IL36RN: variants seen among roughly 807,000 people sequenced by gnomAD.
IL36RN encodes the protein interleukin-36 receptor antagonist protein.
A neutral mutation model predicts 13.0 loss-of-function variants in IL36RN; 11 were observed. That is an observed-to-expected ratio of 0.85 (90% confidence interval 0.53 to 1.40). The LOEUF is 1.40. IL36RN is among the 40% of genes most tolerant of loss of function. The pLI, the probability that IL36RN is intolerant of heterozygous loss-of-function variation, is 0.00. For synonymous variants in IL36RN, 94 were observed against 84.1 expected, an observed-to-expected ratio of 1.12 and a Z score of -0.64; for missense variants, 195 against 195.3, an observed-to-expected ratio of 1.00 and a Z score of 0.01.
chr2:113,062,757 ACT>A lies in IL36RN; in HGVS notation c.*87_*88del. ...TGGAGGAGACCCATGGCGGACAATC[ACT>A]CTCTCTGCTCTCAGGACCCCCACGT... On this transcript the variant is annotated 3_prime_UTR_variant, in exon 5 of 5. Transcript: ENST00000393200. 8.0e-7 allele frequency: 1 copy of A among 1,248,926 alleles called. No homozygotes were observed. The highest frequency in any genetic ancestry group is 1.1e-6 in the Non-Finnish European group (1 of 880,016). The allele number at this position is 1,248,926 out of a possible 1,614,324, so 77.4% of individuals were successfully genotyped here. A position where few individuals can be genotyped will look rare whatever the true frequency, so the allele number is the denominator to read the frequency against.
rs886054772 is a variant in IL36RN, at chr2:113,064,619, C to G, written c.*1942C>G. On this transcript the variant is annotated 3_prime_UTR_variant, in exon 5 of 5. Transcript: ENST00000393200. Reference sequence around the variant, plus strand: ...GGTAAAAAATGAAGTCTCCTGCCCACAGCCACATTAGTGAACCTAGAAGCA... The same window carrying G: ...GGTAAAAAATGAAGTCTCCTGCCCAGAGCCACATTAGTGAACCTAGAAGCA... 1.3e-5 allele frequency: 2 copies of G among 152,200 alleles called. No individual in the cohort carries two copies. Among genetic ancestry groups the G allele is most frequent in the African/African-American group, 2.4e-5 (1 of 41,430 alleles). 9.4% of individuals were successfully genotyped at this position (152,200 alleles called of 1,614,324 possible).
rs1257621461 is a variant in IL36RN at position 113,062,626 on chromosome 2, T to C, written c.417T>C (p.Asn139=). 6.2e-7 allele frequency: 1 copy of C among 1,613,284 alleles called. No individual in the cohort carries two copies. Among genetic ancestry groups the C allele is most frequent in the Non-Finnish European group, 8.5e-7 (1 of 1,180,022 alleles). The change falls in exon 5 of 5, where the codon AAT becomes AAC. Residue 139 remains asparagine (N), a synonymous_variant. Coordinates refer to ENST00000393200, the MANE Select transcript of IL36RN (RefSeq NM_012275.3). ...QPVRLTQLPE[N]GGWNAPITDF... is the part of the protein sequence containing the mutation. ...TCAGACTCACCCAGCTTCCCGAGAATGGTGGCTGGAATGCCCCCATCACAG... is the reference window on the plus strand; with the variant it reads ...TCAGACTCACCCAGCTTCCCGAGAACGGTGGCTGGAATGCCCCCATCACAG...
In IL36RN at chr2:113,062,606, CTCACCCAGCTTCCCGA is replaced by C. The variant is rs779718440; in HGVS notation, c.398_413del (p.Leu133ArgfsTer34). The C allele has an allele frequency of 1.2e-6, 2 of 1,613,694 alleles. No homozygotes were observed. Among genetic ancestry groups the C allele is most frequent in the South Asian group, 2.2e-5 (2 of 91,078 alleles). ...GCCTGAAGCCGATCAGCCTGTCAGA[CTCACCCAGCTTCCCGA>C]GAATGGTGGCTGGAATGCCCCCATC... On this transcript the variant is annotated frameshift_variant, in exon 5 of 5. Coordinates refer to ENST00000393200, the MANE Select transcript of IL36RN (RefSeq NM_012275.3). LOFTEE classifies it high-confidence loss of function.
rs1370780433 is a variant in IL36RN, at chr2:113,062,936, T to A, written c.*259T>A. ...CATGTGGGGTAAACTGGGAATAACA[T>A]GAAAAGATTTCTGTGGAGGTGGGGT... On this transcript the variant is annotated 3_prime_UTR_variant, in exon 5 of 5. Coordinates refer to ENST00000393200, the MANE Select transcript of IL36RN (RefSeq NM_012275.3). The A allele has an allele frequency of 2.0e-6, 1 of 508,892 alleles. No individual in the cohort carries two copies. Among genetic ancestry groups the A allele is most frequent in the South Asian group, 2.0e-5 (1 of 49,302 alleles). 31.5% of individuals were successfully genotyped at this position (508,892 alleles called of 1,614,324 possible). A position where few individuals can be genotyped will look rare whatever the true frequency, so the allele number is the denominator to read the frequency against.
At position 113,063,659 on chromosome 2, in the gene IL36RN, C is replaced by T. The variant is rs1430919589; in HGVS notation, c.*982C>T. 1 of 152,138 alleles carries T rather than the reference C, an allele frequency of 6.6e-6. No homozygotes were observed. The highest frequency in any genetic ancestry group is 2.4e-5 in the African/African-American group (1 of 41,434). 9.4% of individuals were successfully genotyped at this position (152,138 alleles called of 1,614,324 possible). Reference sequence around the variant, plus strand: ...TCTGATTGTCCTCAGCCTCCACTTCCCCAGAGTAAATTCAAATTGAATCGA... The same window carrying T: ...TCTGATTGTCCTCAGCCTCCACTTCTCCAGAGTAAATTCAAATTGAATCGA... On this transcript the variant is annotated 3_prime_UTR_variant, in exon 5 of 5. Coordinates refer to ENST00000393200, the MANE Select transcript of IL36RN (RefSeq NM_012275.3).
Position 113,062,206 on chromosome 2 carries a change from GTGCC to G in IL36RN, c.201_204del (p.Leu68HisfsTer10). On this transcript the variant is annotated frameshift_variant, in exon 4 of 5. Coordinates refer to ENST00000393200, the MANE Select transcript of IL36RN (RefSeq NM_012275.3). LOFTEE classifies it low-confidence loss of function (END_TRUNC). ...TCCTGGGTGTCCAGGGTGGAAGCCA[GTGCC>G]TGTCATGTGGGGTGGGGCAGGAGCC... The G allele has an allele frequency of 6.2e-7, 1 of 1,614,120 alleles. No individual in the cohort carries two copies. The highest frequency in any genetic ancestry group is 1.1e-5 in the South Asian group (1 of 91,088).
Position 113,060,336 on chromosome 2 carries a change from G to C in IL36RN, c.30-516G>C, listed in dbSNP as rs377395743. ...AACAACTTTGAAAAGTTAAATAAAA[G>C]AAATTTAAATTTAAAGAAACTCCTC... On this transcript the variant is annotated intron_variant, in intron 2 of 4. Coordinates refer to ENST00000393200, the MANE Select transcript of IL36RN (RefSeq NM_012275.3). Among the ~76,000 whole-genome samples the C allele has an allele frequency of 4.6e-5, 7 of 152,072 alleles. No homozygotes were observed. In the East Asian group the frequency reaches 7.7e-4, roughly 17 times the overall value.
intron 3 of IL36RN, among the ~76,000 whole-genome samples, chr2:113,061,698 T>C (rs547285669): frequency 1.3e-5 from 2 of 152,242 alleles, no homozygotes; most frequent in African/African-American, 4.8e-5. Context: ...GTATCTGATG[T>C]ATGTGGGTGG....
rs974624111 is a variant in IL36RN, at chr2:113,063,882, G to T, written c.*1205G>T. 1 of 152,192 alleles carries T rather than the reference G, an allele frequency of 6.6e-6. No individual in the cohort carries two copies. The highest frequency in any genetic ancestry group is 1.5e-5 in the Non-Finnish European group (1 of 68,036). The allele number at this position is 152,192 out of a possible 1,614,324, so 9.4% of individuals were successfully genotyped here. A position where few individuals can be genotyped will look rare whatever the true frequency, so the allele number is the denominator to read the frequency against. The stretch of plus-strand genomic sequence containing the variant: ...GGCATTGGATCCAGTCTCTAAGAAG[G>T]CTGCTGTACTGGTTGAATTGTGTCC... On this transcript the variant is annotated 3_prime_UTR_variant, in exon 5 of 5. Transcript: ENST00000393200.
chr2:113,062,294 C>G, intron 4 of IL36RN, 43 bp downstream of exon 4: 1 of 1,612,348 alleles, frequency 6.2e-7, no homozygotes, highest in African/African-American at 1.3e-5. Context: ...GCCACAGATG[C>G]TGAGCCTACT....
chr2:113,060,909 A>C lies in IL36RN; in HGVS notation c.87A>C (p.Gly29=), dbSNP rs1685628253. ...LYLHNNQLLA[G]GLHAGKVIKG... is the part of the protein sequence containing the mutation. Reference sequence around the variant, plus strand: ...TGCATAATAACCAGCTTCTAGCTGGAGGGCTGCATGCAGGGAAGGTCATTA... The same window carrying C: ...TGCATAATAACCAGCTTCTAGCTGGCGGGCTGCATGCAGGGAAGGTCATTA... The change falls in exon 3 of 5, where the codon GGA becomes GGC. Residue 29 remains glycine, a synonymous_variant. Coordinates refer to ENST00000393200, the MANE Select transcript of IL36RN (RefSeq NM_012275.3). The C allele has an allele frequency of 6.2e-7, 1 of 1,613,878 alleles. No individual in the cohort carries two copies. The highest frequency in any genetic ancestry group is 1.3e-5 in the African/African-American group (1 of 74,924).
Position 113,062,937 on chromosome 2 carries a change from G to T in IL36RN, c.*260G>T. On this transcript the variant is annotated 3_prime_UTR_variant, in exon 5 of 5. Transcript: ENST00000393200. ...ATGTGGGGTAAACTGGGAATAACATGAAAAGATTTCTGTGGAGGTGGGGTG... is the reference window on the plus strand; with the variant it reads ...ATGTGGGGTAAACTGGGAATAACATTAAAAGATTTCTGTGGAGGTGGGGTG... 2.8e-5 allele frequency: 14 copies of T among 502,206 alleles called. No homozygotes were observed. The highest frequency in any genetic ancestry group is 7.6e-5 in the East Asian group (2 of 26,352). 31.1% of individuals were successfully genotyped at this position (502,206 alleles called of 1,614,324 possible).
intron 2 of IL36RN, among the ~76,000 whole-genome samples, chr2:113,060,598 G>A (rs941350767): frequency 6.6e-6 from 1 of 152,190 alleles, no homozygotes; most frequent in Non-Finnish European, 1.5e-5. Context: ...CTTCCAGCAG[G>A]AGATGGGTTG....
rs754661425 is a variant in IL36RN at position 113,062,448 on chromosome 2, G to C, written c.244-5G>C. On this transcript the variant is annotated splice_region_variant and splice_polypyrimidine_tract_variant and intron_variant, in intron 4 of 4. Transcript: ENST00000393200. ...CTCACCTGACCTCCCCTCCTCTGCC[G>C]GCAGCCAGTGAACATCATGGAGCTC... 3 of 1,613,780 alleles carry C rather than the reference G, an allele frequency of 1.9e-6. No individual in the cohort carries two copies. In the African/African-American group the frequency reaches 4.0e-5, roughly 22 times the overall value.
At position 113,060,874 on chromosome 2, in the gene IL36RN, G is replaced by A. The variant is rs545673991; in HGVS notation, c.52G>A (p.Val18Met). 2 of 1,613,968 alleles carry A rather than the reference G, an allele frequency of 1.2e-6. No individual in the cohort carries two copies. Among genetic ancestry groups the A allele is most frequent in the African/African-American group, 2.7e-5 (2 of 74,926 alleles). ...CFRMKDSALK[V>M]LYLHNNQLLA... ...CAGAATGAAGGACTCGGCATTGAAGGTGCTTTATCTGCATAATAACCAGCT... is the reference window on the plus strand; with the variant it reads ...CAGAATGAAGGACTCGGCATTGAAGATGCTTTATCTGCATAATAACCAGCT... The change falls in exon 3 of 5, where the codon GTG (valine) becomes ATG (methionine). Residue 18 changes from valine (V) to methionine (M), a missense_variant. Coordinates refer to ENST00000393200, the MANE Select transcript of IL36RN (RefSeq NM_012275.3).
chr2:113,061,738 C>T (rs1360978909), intron 3 of IL36RN, among the ~76,000 whole-genome samples: 1 of 152,134 alleles, frequency 6.6e-6, no homozygotes, highest in Non-Finnish European at 1.5e-5. Context: ...GAATGAGACC[C>T]TCTTTTGCTC....
At position 113,062,517 on chromosome 2, in the gene IL36RN, G is replaced by A. The variant is rs542606182; in HGVS notation, c.308G>A (p.Arg103Gln). ...KESKSFTFYRRDMGLTSSFES... is the reference protein window; with the variant it reads ...KESKSFTFYRQDMGLTSSFES... ...TCCAAGAGCTTCACCTTCTACCGGCGGGACATGGGGCTCACCTCCAGCTTC... is the reference window on the plus strand; with the variant it reads ...TCCAAGAGCTTCACCTTCTACCGGCAGGACATGGGGCTCACCTCCAGCTTC... Residue 103 changes from arginine to glutamine, a missense_variant, in exon 5 of 5, where the codon CGG (arginine) becomes CAG (glutamine). Coordinates refer to ENST00000393200, the MANE Select transcript of IL36RN (RefSeq NM_012275.3). The A allele has an allele frequency of 8.8e-5, 142 of 1,613,986 alleles. No individual in the cohort carries two copies. The highest frequency in any genetic ancestry group is 1.0e-4 in the Non-Finnish European group (121 of 1,180,040).
intron 1 of IL36RN, 55 bp from the exon 2 acceptor site, chr2:113,059,357 C>A: frequency 6.6e-7 from 1 of 1,519,314 alleles, no homozygotes; most frequent in Non-Finnish European, 9.1e-7. Flanking sequence ...GCTCCCCAGA[C>A]CCCAGCCAAC....
intron 4 of IL36RN, 82 bp from the exon 5 acceptor site, chr2:113,062,371 T>C (rs1685659583): frequency 4.4e-6 from 7 of 1,604,790 alleles, no homozygotes; most frequent in East Asian, 2.2e-5. Flanking sequence ...ATGGCAGCTT[T>C]GCCTCCTCCC....
Sources: gnomAD v4.1 joint callset for allele counts (sites outside exome capture counted in the v4.1 genomes callset) on GRCh38, gnomAD v4.1.1 for gene constraint, MANE v1.5 for transcripts, NCBI Gene and HGNC (gene_info 2026-07-23, HGNC 2026-07-21) for gene names.